The following FOXN3 variants were observed in gnomAD, a reference collection of about 807,000 sequenced individuals.
FOXN3 encodes forkhead box protein N3.
Under a neutral mutation model 38.4 loss-of-function variants are expected in FOXN3, and 7 were observed. That is an observed-to-expected ratio of 0.18 (90% CI 0.10 to 0.34). FOXN3 has a LOEUF of 0.34. Among genes scored for constraint, FOXN3 ranks in the 10% least tolerant of loss-of-function variants. The probability of loss-of-function intolerance (pLI) is 1.00; values close to 1 mark genes in which losing one functional copy is unlikely to be tolerated. For synonymous variants in FOXN3, 230 were observed against 242.2 expected, an observed-to-expected ratio of 0.95 and a Z score of 0.47; for missense variants, 456 against 613.4, an observed-to-expected ratio of 0.74 and a Z score of 2.71.
chr14:89,513,820 C>T (rs1000364756), intron 1 of FOXN3, among the ~76,000 whole-genome samples: 1 of 152,014 alleles, frequency 6.6e-6, no homozygotes, highest in Non-Finnish European at 1.5e-5. Context: ...TAGCCTCAAA[C>T]TCCCGGAGTT....
chr14:89,165,521 G>A (rs1045035354), intron 5 of FOXN3, among the ~76,000 whole-genome samples: 6 of 152,220 alleles, frequency 3.9e-5, no homozygotes, highest in Non-Finnish European at 1.5e-5. Context: ...GGCCCTTCAA[G>A]AGGAGTTCCT....
intron 1 of FOXN3, among the ~76,000 whole-genome samples, chr14:89,593,737 G>GT (rs1488384642): frequency 6.6e-6 from 1 of 152,194 alleles, no homozygotes; most frequent in Non-Finnish European, 1.5e-5. Flanking sequence ...AGCCTCTCTA[G>GT]TAGCTGGGAC....
At chr14:89,602,988 T>C (rs1016631763) in intron 1 of FOXN3, among the ~76,000 whole-genome samples, 1 of 152,184 alleles carries the variant, frequency 6.6e-6, no homozygotes, top group Non-Finnish European at 1.5e-5. Context: ...AGAGGAAATA[T>C]GTGGCAGAGA....
At chr14:89,605,190 A>G (rs558767923) in intron 1 of FOXN3, among the ~76,000 whole-genome samples, 8 of 152,304 alleles carry the variant, frequency 5.3e-5, no homozygotes, top group African/African-American at 1.9e-4. Context: ...AAAAAACAAG[A>G]TAAAACTAAA....
At chr14:89,173,762 G>A (rs1468291106) in intron 5 of FOXN3, among the ~76,000 whole-genome samples, 1 of 152,222 alleles carries the variant, frequency 6.6e-6, no homozygotes, top group Non-Finnish European at 1.5e-5. Context: ...AGGCTGAGGT[G>A]TGTGGATTGT....
intron 1 of FOXN3, among the ~76,000 whole-genome samples, chr14:89,494,448 T>C (rs1893639116): frequency 6.6e-6 from 1 of 152,240 alleles, no homozygotes; most frequent in Non-Finnish European, 1.5e-5. Context: ...CAACCTAGCC[T>C]GCCGGCTGGG....
chr14:89,222,625 A>G (rs1477629173), intron 4 of FOXN3, among the ~76,000 whole-genome samples: 2 of 152,144 alleles, frequency 1.3e-5, no homozygotes, highest in East Asian at 3.9e-4. Flanking sequence ...CGAGCTCAGG[A>G]GGACACCTGT....
chr14:89,575,203 G>A (rs1490023979), intron 1 of FOXN3, among the ~76,000 whole-genome samples: 2 of 152,094 alleles, frequency 1.3e-5, no homozygotes, highest in Non-Finnish European at 2.9e-5. Context: ...ACCCACGAAG[G>A]GGACCCCCAA....
At chr14:89,443,403 T>G (rs1049781316) in intron 1 of FOXN3, among the ~76,000 whole-genome samples, 15 of 152,240 alleles carry the variant, frequency 9.9e-5, no homozygotes, top group African/African-American at 3.4e-4. Context: ...GTTGTAGCCC[T>G]CCAGGACATG....
At chr14:89,429,726 G>A (rs766192072) in intron 1 of FOXN3, among the ~76,000 whole-genome samples, 2 of 152,168 alleles carry the variant, frequency 1.3e-5, no homozygotes, top group African/African-American at 2.4e-5. Context: ...TTTGCTCCGC[G>A]GCTGAACAGA....
rs1033840896 is a variant in FOXN3, at chr14:89,559,630, T to C, written c.-15+59398A>G. Among the ~76,000 whole-genome samples the C allele has an allele frequency of 2.6e-5, 4 of 152,142 alleles. No individual in the cohort carries two copies. In the East Asian group the frequency reaches 5.8e-4, roughly 22 times the overall value. On this transcript the variant is annotated intron_variant, in intron 1 of 6. Transcript: ENST00000345097. The stretch of plus-strand genomic sequence containing the variant: ...GGCGGAGGTTGCAGTGAGCCAAGAT[T>C]GCGCCACTGGACTCCAGCCTGGTGA...
chr14:89,594,480 T>G (rs1193167761), intron 1 of FOXN3, among the ~76,000 whole-genome samples: 1 of 152,242 alleles, frequency 6.6e-6, no homozygotes, highest in East Asian at 1.9e-4. Context: ...TGAACAACTT[T>G]TCACATGTTT....
chr14:89,430,736 G>T (rs1401120227), intron 1 of FOXN3, among the ~76,000 whole-genome samples: 1 of 152,134 alleles, frequency 6.6e-6, no homozygotes, highest in African/African-American at 2.4e-5. Context: ...TGAACATTAT[G>T]TATTTTTAAA....
chr14:89,572,661 T>G (rs1255662541), intron 1 of FOXN3, among the ~76,000 whole-genome samples: 1 of 152,220 alleles, frequency 6.6e-6, no homozygotes, highest in African/African-American at 2.4e-5. Context: ...AAAATAGAAC[T>G]CTGACATGTT....
intron 2 of FOXN3, among the ~76,000 whole-genome samples, chr14:89,410,550 C>T (rs1173533845): frequency 6.6e-6 from 1 of 152,208 alleles, no homozygotes; most frequent in African/African-American, 2.4e-5. Context: ...AACAGCTGCC[C>T]AATTTCTACG....
intron 4 of FOXN3, among the ~76,000 whole-genome samples, chr14:89,254,590 G>T (rs1347923997): frequency 6.6e-6 from 1 of 152,152 alleles, no homozygotes; most frequent in East Asian, 1.9e-4. Context: ...AAAATTTCCT[G>T]ATTTTTAAGT....
At chr14:89,575,615 C>T (rs907789201) in intron 1 of FOXN3, among the ~76,000 whole-genome samples, 1 of 152,200 alleles carries the variant, frequency 6.6e-6, no homozygotes, top group African/African-American at 2.4e-5. Flanking sequence ...ATTTTGGAAG[C>T]AGAAGGAGCT....
At position 89,282,415 on chromosome 14, in the gene FOXN3, C is replaced by G. The variant is rs898652885; in HGVS notation, c.681-1401G>C. Reference sequence around the variant, plus strand: ...GGCCAGGAGCTTCACAGGGTAACAGCAGACCGGACTGGAGTCTCAGGATGA... The same window carrying G: ...GGCCAGGAGCTTCACAGGGTAACAGGAGACCGGACTGGAGTCTCAGGATGA... On this transcript the variant is annotated intron_variant, in intron 3 of 5. Coordinates refer to ENST00000557258, the MANE Select transcript of FOXN3 (RefSeq NM_005197.4). Among the ~76,000 whole-genome samples, 6 of 152,290 alleles carry G rather than the reference C, an allele frequency of 3.9e-5. No homozygotes were observed. In the East Asian group the frequency reaches 1.2e-3, roughly 29 times the overall value.
intron 3 of FOXN3, among the ~76,000 whole-genome samples, chr14:89,307,102 C>T (rs1296426347): frequency 1.3e-5 from 2 of 152,284 alleles, no homozygotes; most frequent in Admixed American, 6.5e-5. Flanking sequence ...CCATGTCCCA[C>T]CCAATGGCCT....
Sources: gnomAD v4.1 joint callset for allele counts (sites outside exome capture counted in the v4.1 genomes callset) on GRCh38, gnomAD v4.1.1 for gene constraint, MANE v1.5 for transcripts, NCBI Gene and HGNC (gene_info 2026-07-23, HGNC 2026-07-21) for gene names.